The following TIPIN variants were observed in gnomAD, a reference collection of about 807,000 sequenced individuals.
The protein encoded by TIPIN is TIMELESS interacting protein, also known as TIMELESS-interacting protein.
A neutral mutation model predicts 35.6 loss-of-function variants in TIPIN; 29 were observed. The ratio of observed to expected loss-of-function variants is 0.82; its 90% CI spans 0.61 to 1.11. The LOEUF (loss-of-function observed/expected upper bound fraction) is 1.11. Among genes scored for constraint, TIPIN ranks in the 50% most tolerant of loss-of-function variants. The pLI is 0.00. For missense variants in TIPIN, 296 were observed against 345.4 expected, an observed-to-expected ratio of 0.86 and a Z score of 1.13; for synonymous variants, 102 against 121.5, an observed-to-expected ratio of 0.84 and a Z score of 1.06.
At chr15:66,351,837 C>T (rs1476409265) in intron 3 of TIPIN, among the ~76,000 whole-genome samples, 3 of 152,002 alleles carry the variant, frequency 2.0e-5, no homozygotes, top group Admixed American at 2.0e-4. Flanking sequence ...GACGGGGTTT[C>T]ACCGTATTAG....
At chr15:66,361,108 G>A (rs112981358), upstream of TIPIN, among the ~76,000 whole-genome samples, 32,885 of 150,502 alleles carry the variant, frequency 0.22, 4,237 homozygotes, top group Middle Eastern at 0.33. Flanking sequence ...ATTTCAGCCC[G>A]GGCAACAGAG....
chr15:66,369,868 G>A (rs2093271630), intron 1 of TIPIN, among the ~76,000 whole-genome samples: 1 of 152,076 alleles, frequency 6.6e-6, no homozygotes, highest in Non-Finnish European at 1.5e-5. Context: ...AGCTCAAATG[G>A]TCATTCTCAT....
chr15:66,349,536 G>T, intron 4 of TIPIN, 99 bp from the exon 5 acceptor site: 1 of 1,439,944 alleles, frequency 6.9e-7, no homozygotes. Flanking sequence ...AAATCACTGG[G>T]GTCATTTTAT....
chr15:66,362,446 G>A (rs2068367602), intron 1 of TIPIN, among the ~76,000 whole-genome samples: 1 of 152,030 alleles, frequency 6.6e-6, no homozygotes, highest in Non-Finnish European at 1.5e-5. Context: ...ATGGAGGCTG[G>A]GCACGGTTTC....
At chr15:66,378,643 C>A (rs1237832255) in intron 1 of TIPIN, among the ~76,000 whole-genome samples, 1 of 151,422 alleles carries the variant, frequency 6.6e-6, no homozygotes. Context: ...AAATGTTTTT[C>A]TCATTCCAAA....
At chr15:66,337,389 G>C (rs1352496330) in intron 7 of TIPIN, among the ~76,000 whole-genome samples, 1 of 148,050 alleles carries the variant, frequency 6.8e-6, no homozygotes, top group Admixed American at 6.8e-5. Flanking sequence ...GCAATCGCAC[G>C]ATCTGGGCTC....
intron 1 of TIPIN, among the ~76,000 whole-genome samples, chr15:66,374,052 G>A (rs1247372171): frequency 6.6e-6 from 1 of 152,110 alleles, no homozygotes; most frequent in Non-Finnish European, 1.5e-5. Flanking sequence ...CACACTGTGT[G>A]TTCTTAAATT....
At position 66,337,126 on chromosome 15, in the gene TIPIN, C is replaced by T. The variant is rs140813860; in HGVS notation, c.738G>A (p.Glu246=). 257 of 1,613,898 alleles carry T rather than the reference C, an allele frequency of 1.6e-4. 1 individual carries two copies. The highest frequency in any genetic ancestry group is 2.4e-5 in the Non-Finnish European group (28 of 1,180,018). The part of the protein sequence containing the change: ...AHTVEEVNTD[E]DQKEESNGLN... The stretch of plus-strand genomic sequence containing the variant: ...ATCCATTTGACTCCTCCTTTTGATC[C>T]TCATCAGTATTAACCTCTTCAACCG... Residue 246 remains glutamate (E), a synonymous_variant, in exon 8 of 8, where the codon GAG becomes GAA. Coordinates refer to ENST00000261881, the MANE Select transcript of TIPIN (RefSeq NM_017858.3).
intron 6 of TIPIN, among the ~76,000 whole-genome samples, chr15:66,348,009 T>TTTC (rs2093138597): frequency 2.8e-3 from 1 of 354 alleles, no homozygotes; most frequent in South Asian, 0.17. Flanking sequence ...TCTTTCTTTC[T>TTTC]TTTTTTTTTT....
intron 1 of TIPIN, among the ~76,000 whole-genome samples, chr15:66,373,242 C>T (rs1221412070): frequency 6.6e-6 from 1 of 152,096 alleles, no homozygotes; most frequent in Non-Finnish European, 1.5e-5. Context: ...GCCTGTAATC[C>T]CAGCACTTTG....
chr15:66,376,799 C>T (rs2093298501), intron 1 of TIPIN, among the ~76,000 whole-genome samples: 1 of 151,296 alleles, frequency 6.6e-6, no homozygotes, highest in Non-Finnish European at 1.5e-5. Flanking sequence ...ACAGTTATTG[C>T]CAAAATGCCC....
At chr15:66,355,349 T>C (rs2093196938) in intron 1 of TIPIN, among the ~76,000 whole-genome samples, 1 of 151,706 alleles carries the variant, frequency 6.6e-6, no homozygotes, top group African/African-American at 2.4e-5. Flanking sequence ...GCTCAATATA[T>C]ATTTGATGAA....
intron 1 of TIPIN, among the ~76,000 whole-genome samples, chr15:66,369,474 G>A (rs1318315510): frequency 2.1e-5 from 3 of 144,434 alleles, no homozygotes; most frequent in African/African-American, 7.7e-5. Context: ...TCAGCCTCCC[G>A]AGTAGCTGGG....
At chr15:66,345,483 G>A (rs2093118532) in intron 6 of TIPIN, among the ~76,000 whole-genome samples, 1 of 152,206 alleles carries the variant, frequency 6.6e-6, no homozygotes, top group African/African-American at 2.4e-5. Context: ...GGGAGGCCAA[G>A]GCAGGTGGAT....
intron 6 of TIPIN, chr15:66,347,215 G>A (rs1210860117): frequency 1.9e-6 from 1 of 515,766 alleles, no homozygotes; most frequent in Non-Finnish European, 3.9e-6. Flanking sequence ...AACATGTATG[G>A]AGCCATCGCA....
rs765106352 is a variant in TIPIN, at chr15:66,349,139, GAT to G, written c.412-18_412-17del. 2.5e-6 allele frequency: 4 copies of G among 1,608,438 alleles called. No individual in the cohort carries two copies. In the Middle Eastern group the frequency reaches 6.4e-4, roughly 257 times the overall value. On this transcript the variant is annotated splice_polypyrimidine_tract_variant and intron_variant, in intron 5 of 7. Coordinates refer to ENST00000261881, the MANE Select transcript of TIPIN (RefSeq NM_017858.3). ...TTAAACAGGTCTGAAAATGAAAAGA[GAT>G]TATTTATTTTTACCTCTTTACCAAT...
intron 1 of TIPIN, chr15:66,383,107 TAAAAAGA>T: frequency 3.9e-6 from 2 of 506,874 alleles, no homozygotes; most frequent in Non-Finnish European, 5.1e-6. Context: ...ATTTCAATAT[TAAAAAGA>T]ATGCTGCATT....
At chr15:66,383,312 G>A (rs2093324669) in intron 1 of TIPIN, among the ~76,000 whole-genome samples, 1 of 151,454 alleles carries the variant, frequency 6.6e-6, no homozygotes, top group East Asian at 1.9e-4. Flanking sequence ...GCACAGGCTG[G>A]AGTACAGTGG....
chr15:66,347,500 G>A (rs2093134883), intron 6 of TIPIN, among the ~76,000 whole-genome samples: 1 of 152,170 alleles, frequency 6.6e-6, no homozygotes, highest in African/African-American at 2.4e-5. Context: ...ATTAACAAGT[G>A]CTATATAGGA....
Sources: gnomAD v4.1 joint callset for allele counts (sites outside exome capture counted in the v4.1 genomes callset) on GRCh38, gnomAD v4.1.1 for gene constraint, MANE v1.5 for transcripts, NCBI Gene and HGNC (gene_info 2026-07-23, HGNC 2026-07-21) for gene names.